The following TMEM217B variants were observed in gnomAD, a reference collection of about 807,000 sequenced individuals.
The protein encoded by TMEM217B is putative transmembrane protein 217B.
chr6:37,216,017 G>A, the TMEM217B span, among the ~76,000 whole-genome samples: 2 of 150,738 alleles, frequency 1.3e-5, no homozygotes, highest in Non-Finnish European at 3.0e-5. Flanking sequence ...GTGTGTGTGT[G>A]TGTGTGTGTG....
chr6:37,254,127 G>A, the TMEM217B span, among the ~76,000 whole-genome samples: 17 of 152,340 alleles, frequency 1.1e-4, no homozygotes, highest in East Asian at 3.1e-3. Flanking sequence ...CCATGGATCA[G>A]CAGCATCAGT....
At chr6:37,242,443 C>T in the TMEM217B span, among the ~76,000 whole-genome samples, 1 of 152,168 alleles carries the variant, frequency 6.6e-6, no homozygotes, top group South Asian at 2.1e-4. Flanking sequence ...CTTTAAGAGC[C>T]TAGATTTTCC....
the TMEM217B span, among the ~76,000 whole-genome samples, chr6:37,214,579 C>T: frequency 4.9e-4 from 74 of 152,234 alleles, no homozygotes; most frequent in African/African-American, 1.7e-3. Flanking sequence ...CCATTATAAA[C>T]ATCAACTCCC....
chr6:37,213,124 GAAGTTA>G, the TMEM217B span: 1 of 665,826 alleles, frequency 1.5e-6, no homozygotes, highest in Non-Finnish European at 2.6e-6. Flanking sequence ...CAATAGGCTG[GAAGTTA>G]AGGGACATGG....
chr6:37,219,075 G>A, the TMEM217B span: 2 of 1,557,760 alleles, frequency 1.3e-6, no homozygotes, highest in South Asian at 1.2e-5. Context: ...GAGAATTCTA[G>A]TTCCTGCCAA....
At chr6:37,245,363 C>T in the TMEM217B span, among the ~76,000 whole-genome samples, 5 of 152,234 alleles carry the variant, frequency 3.3e-5, no homozygotes, top group Non-Finnish European at 7.3e-5. Flanking sequence ...AGCTATTCTC[C>T]CAAACTGGGG....
chr6:37,226,358 T>C, the TMEM217B span, among the ~76,000 whole-genome samples: 226 of 140,800 alleles, frequency 1.6e-3, no homozygotes, highest in Non-Finnish European at 2.9e-3. Flanking sequence ...AGTGGCGCTA[T>C]CTTGGCTCAC....
At chr6:37,236,868 C>G in the TMEM217B span, among the ~76,000 whole-genome samples, 1 of 152,140 alleles carries the variant, frequency 6.6e-6, no homozygotes, top group Non-Finnish European at 1.5e-5. Flanking sequence ...GTAGCCTCTC[C>G]TAGAAGACTC....
At chr6:37,217,668 T>G in the TMEM217B span, 1 of 985,360 alleles carries the variant, frequency 1.0e-6, no homozygotes, top group Non-Finnish European at 1.2e-6. Context: ...TTATTCTTTT[T>G]CTTATCTGGA....
the TMEM217B span, among the ~76,000 whole-genome samples, chr6:37,223,254 A>T: frequency 6.6e-6 from 1 of 152,298 alleles, no homozygotes; most frequent in South Asian, 2.1e-4. Context: ...CAATGCACAG[A>T]TTCAAGAAAC....
At chr6:37,241,634 C>T in the TMEM217B span, among the ~76,000 whole-genome samples, 1 of 152,156 alleles carries the variant, frequency 6.6e-6, no homozygotes, top group Non-Finnish European at 1.5e-5. Context: ...TCTGGGTCAT[C>T]CCTGGGAGCC....
chr6:37,212,718 C>T, the TMEM217B span: 1 of 654,558 alleles, frequency 1.5e-6, no homozygotes, highest in Admixed American at 2.1e-5. Flanking sequence ...TCAGCAGCCC[C>T]ATGTAGATAT....
chr6:37,223,881 C>A, the TMEM217B span, among the ~76,000 whole-genome samples: 1 of 151,088 alleles, frequency 6.6e-6, no homozygotes, highest in African/African-American at 2.4e-5. Flanking sequence ...TGGAGTAATG[C>A]AATCATAGCT....
chr6:37,226,101 A>G, the TMEM217B span, among the ~76,000 whole-genome samples: 2 of 152,218 alleles, frequency 1.3e-5, no homozygotes, highest in South Asian at 4.2e-4. Context: ...ACTGGGATCT[A>G]GCACCTCCTT....
chr6:37,234,828 T>C, the TMEM217B span, among the ~76,000 whole-genome samples: 1 of 152,172 alleles, frequency 6.6e-6, no homozygotes, highest in Non-Finnish European at 1.5e-5. Context: ...TGAAAGTGGT[T>C]ACCTGTGAAA....
the TMEM217B span, among the ~76,000 whole-genome samples, chr6:37,255,852 C>T: frequency 3.0e-4 from 46 of 152,134 alleles, no homozygotes; most frequent in African/African-American, 1.1e-3. Flanking sequence ...ATCTCAATTT[C>T]CCTATTTAAA....
At chr6:37,222,915 C>G in the TMEM217B span, among the ~76,000 whole-genome samples, 1 of 152,074 alleles carries the variant, frequency 6.6e-6, no homozygotes, top group Admixed American at 6.5e-5. Flanking sequence ...GCAGCCACTG[C>G]CATTACTAGC....
At chr6:37,240,343 T>C in the TMEM217B span, among the ~76,000 whole-genome samples, 1 of 152,186 alleles carries the variant, frequency 6.6e-6, no homozygotes, top group Non-Finnish European at 1.5e-5. Flanking sequence ...GGAAGTTTCA[T>C]CCAAGCTCGC....
At chr6:37,232,703 C>T in the TMEM217B span, among the ~76,000 whole-genome samples, 3 of 152,150 alleles carry the variant, frequency 2.0e-5, no homozygotes, top group Admixed American at 6.5e-5. Flanking sequence ...GAGGAAGTAT[C>T]TTTCCTCCTC....
Sources: allele counts gnomAD v4.1 joint callset (sites outside exome capture counted in the v4.1 genomes callset), GRCh38; gene constraint gnomAD v4.1.1; transcripts MANE v1.5; gene names NCBI Gene and HGNC (gene_info 2026-07-23, HGNC 2026-07-21).